AMD1: variants seen among roughly 807,000 people sequenced by gnomAD.
AMD1 encodes adenosylmethionine decarboxylase 1, also known as S-adenosylmethionine decarboxylase proenzyme.
Under a neutral mutation model 40.2 loss-of-function variants are expected in AMD1, and 11 were observed. That is an observed-to-expected ratio of 0.27 (90% CI 0.17 to 0.45). The LOEUF (loss-of-function observed/expected upper bound fraction) is 0.45. Among genes scored for constraint, AMD1 ranks in the 20% least tolerant of loss-of-function variants. AMD1 has a pLI of 1.00. For synonymous variants in AMD1, 121 were observed against 130.8 expected (o/e 0.93, Z 0.51); for missense variants, 257 against 410.2 (o/e 0.63, Z 3.23).
At chr6:110,861,590 C>T in the AMD1 span, among the ~76,000 whole-genome samples, 533 of 151,708 alleles carry the variant, frequency 3.5e-3, 3 homozygotes, top group African/African-American at 0.012. Flanking sequence ...GCCTGTAATC[C>T]CAGCACTTTG....
chr6:110,830,289 C>T, the AMD1 span, among the ~76,000 whole-genome samples: 1 of 152,288 alleles, frequency 6.6e-6, no homozygotes, highest in East Asian at 1.9e-4. Flanking sequence ...GCTGGGATTA[C>T]AGGCATGAGC....
chr6:110,880,946 C>G (rs1354808620), intron 1 of AMD1, among the ~76,000 whole-genome samples: 1 of 152,152 alleles, frequency 6.6e-6, no homozygotes, highest in Admixed American at 6.5e-5. Context: ...TGCATTTAAT[C>G]AGGCGACATA....
At chr6:110,832,239 G>C in the AMD1 span, among the ~76,000 whole-genome samples, 1 of 151,608 alleles carries the variant, frequency 6.6e-6, no homozygotes, top group Non-Finnish European at 1.5e-5. Flanking sequence ...ACTCCTGACC[G>C]CATGATCCAC....
the AMD1 span, among the ~76,000 whole-genome samples, chr6:110,839,506 A>G: frequency 9.2e-5 from 14 of 152,304 alleles, no homozygotes; most frequent in South Asian, 2.9e-3. Context: ...CTGTAGTCCC[A>G]GCTACCTGGG....
intron 1 of AMD1, among the ~76,000 whole-genome samples, chr6:110,879,211 C>T (rs1165709778): frequency 1.3e-5 from 2 of 152,128 alleles, no homozygotes; most frequent in Non-Finnish European, 2.9e-5. Context: ...GCGTGCTGGT[C>T]CATCCTGGTG....
At chr6:110,870,174 T>C (rs77064023), upstream of AMD1, among the ~76,000 whole-genome samples, 1,172 of 152,338 alleles carry the variant, frequency 7.7e-3, 38 homozygotes, top group East Asian at 0.089. Context: ...AGAACCCTGA[T>C]TGTAGTTTGC....
At chr6:110,860,321 A>G in the AMD1 span, among the ~76,000 whole-genome samples, 1 of 152,202 alleles carries the variant, frequency 6.6e-6, no homozygotes, top group Admixed American at 6.5e-5. Context: ...GGTAAGAAGA[A>G]AAAGATATAT....
At chr6:110,860,812 A>G in the AMD1 span, among the ~76,000 whole-genome samples, 1 of 145,936 alleles carries the variant, frequency 6.9e-6, no homozygotes, top group African/African-American at 2.6e-5. Flanking sequence ...AAAAAAAACA[A>G]AAACAAAACA....
the AMD1 span, among the ~76,000 whole-genome samples, chr6:110,857,362 G>C: frequency 6.6e-6 from 1 of 151,190 alleles, no homozygotes; most frequent in Admixed American, 6.6e-5. Flanking sequence ...AATAAAGCCC[G>C]TCTCTACTAA....
the AMD1 span, among the ~76,000 whole-genome samples, chr6:110,821,201 AGCAGCTGGAGGCT>A: frequency 6.6e-6 from 1 of 152,212 alleles, no homozygotes; most frequent in Non-Finnish European, 1.5e-5. Flanking sequence ...GCATGGAGGC[AGCAGCTGGAGGCT>A]GCTGCTTTAG....
At chr6:110,833,958 A>ACTGTCACCCAGTG in the AMD1 span, among the ~76,000 whole-genome samples, 1 of 152,180 alleles carries the variant, frequency 6.6e-6, no homozygotes, top group Non-Finnish European at 1.5e-5. Flanking sequence ...TATGAGGAAA[A>ACTGTCACCCAGTG]ACAATTTTTT....
In AMD1 at chr6:110,888,958, A is replaced by G. The variant is rs1222564991; in HGVS notation, c.299A>G (p.Asp100Gly). The G allele has an allele frequency of 6.2e-7, 1 of 1,613,862 alleles. No homozygotes were observed. Among genetic ancestry groups the G allele is most frequent in the Admixed American group, 1.7e-5 (1 of 59,984 alleles). Residue 100 changes from aspartate to glycine, a missense_variant, in exon 3 of 9, where the codon GAT becomes GGT. By Grantham distance (94) the Asp-to-Gly change is moderately conservative (BLOSUM62 -1). Transcript: ENST00000368885. Reference sequence around the variant, plus strand: ...GTTCCCCTGTTGAAGCTTGCTAGGGATTACAGTGGGTTTGACTCAATTCAA... The same window carrying G: ...GTTCCCCTGTTGAAGCTTGCTAGGGGTTACAGTGGGTTTGACTCAATTCAA... The part of the protein sequence containing the change: ...ALVPLLKLAR[D>G]YSGFDSIQSF...
chr6:110,827,437 T>C, the AMD1 span, among the ~76,000 whole-genome samples: 2 of 151,910 alleles, frequency 1.3e-5, no homozygotes, highest in African/African-American at 4.8e-5. Context: ...GCCACTGCAC[T>C]GGGACCTCAT....
At chr6:110,889,247 T>C in intron 3 of AMD1, 1 of 231,882 alleles carries the variant, frequency 4.3e-6, no homozygotes, top group Non-Finnish European at 8.4e-6. Context: ...TTAACATGGC[T>C]ACTTATAATA....
At chr6:110,816,103 C>G in the AMD1 span, 1 of 152,174 alleles carries the variant, frequency 6.6e-6, no homozygotes, top group Non-Finnish European at 1.5e-5. Flanking sequence ...CAGCAGTTTC[C>G]TAGAGCCTGC....
the AMD1 span, among the ~76,000 whole-genome samples, chr6:110,867,731 GA>G: frequency 2.6e-5 from 4 of 151,966 alleles, no homozygotes; most frequent in African/African-American, 9.7e-5. Flanking sequence ...AATTTCAAAA[GA>G]AAAAATAAAT....
At chr6:110,867,910 T>C in the AMD1 span, among the ~76,000 whole-genome samples, 1 of 152,170 alleles carries the variant, frequency 6.6e-6, no homozygotes, top group Non-Finnish European at 1.5e-5. Flanking sequence ...TACATTGGCA[T>C]ATTTTGCTAG....
chr6:110,893,442 C>T, intron 8 of AMD1, 34 bp from the exon 9 acceptor site: 1 of 1,608,872 alleles, frequency 6.2e-7, no homozygotes, highest in South Asian at 1.1e-5. Flanking sequence ...CTCTGGATTG[C>T]AAACACTAAC....
the AMD1 span, among the ~76,000 whole-genome samples, chr6:110,847,813 G>A: frequency 3.3e-5 from 5 of 151,440 alleles, no homozygotes; most frequent in Admixed American, 6.6e-5. Context: ...CCCGGCTCGA[G>A]CAATTCTCCT....
Sources: gnomAD v4.1 joint callset for allele counts (sites outside exome capture counted in the v4.1 genomes callset) on GRCh38, gnomAD v4.1.1 for gene constraint, MANE v1.5 for transcripts, NCBI Gene and HGNC (gene_info 2026-07-23, HGNC 2026-07-21) for gene names.